The following C10orf90 variants were observed in gnomAD, a reference collection of about 807,000 sequenced individuals.
C10orf90 encodes chromosome 10 open reading frame 90.
C10orf90 carries 56 observed loss-of-function variants against 62.5 expected under a neutral mutation model. The ratio of observed to expected loss-of-function variants is 0.90; its 90% confidence interval spans 0.72 to 1.12. C10orf90 has a LOEUF of 1.12. Among genes scored for constraint, C10orf90 ranks in the 50% most tolerant of loss-of-function variants. The pLI, the probability that C10orf90 is intolerant of heterozygous loss-of-function variation, is 0.00. For missense variants in C10orf90, 970 were observed against 880.4 expected, an observed-to-expected ratio of 1.10 and a Z score of -1.29; for synonymous variants, 386 against 340.4, an observed-to-expected ratio of 1.13 and a Z score of -1.47.
intron 1 of C10orf90, among the ~76,000 whole-genome samples, chr10:126,648,901 T>A (rs994586146): frequency 3.9e-5 from 6 of 152,232 alleles, no homozygotes; most frequent in African/African-American, 1.2e-4. Flanking sequence ...CAACACAGAA[T>A]TAATTTTCAC....
chr10:126,496,704 A>G (rs1862077840), intron 4 of C10orf90: 22 of 985,288 alleles, frequency 2.2e-5, no homozygotes, highest in Non-Finnish European at 2.7e-5. Context: ...TCCTTGCCAG[A>G]GAGGTTTTGA....
intron 2 of C10orf90, among the ~76,000 whole-genome samples, chr10:126,529,202 C>T (rs1864029548): frequency 6.6e-6 from 1 of 152,078 alleles, no homozygotes; most frequent in South Asian, 2.1e-4. Flanking sequence ...TTTTCCTTAC[C>T]ATACCTACAA....
At chr10:126,430,349 G>A (rs769599470) in intron 7 of C10orf90, among the ~76,000 whole-genome samples, 4 of 152,158 alleles carry the variant, frequency 2.6e-5, no homozygotes, top group Non-Finnish European at 5.9e-5. Context: ...TTCCTAATGT[G>A]GGGAAAGGTA....
intron 2 of C10orf90, among the ~76,000 whole-genome samples, chr10:126,640,993 T>C (rs1198277930): frequency 2.0e-5 from 3 of 152,182 alleles, no homozygotes; most frequent in East Asian, 1.9e-4. Flanking sequence ...TGAGGTACAA[T>C]GAAACGGTTT....
At chr10:126,643,944 C>A (rs1846114893) in intron 2 of C10orf90, among the ~76,000 whole-genome samples, 1 of 152,214 alleles carries the variant, frequency 6.6e-6, no homozygotes, top group Non-Finnish European at 1.5e-5. Context: ...GGCTGCTTAG[C>A]CCTCCTTTTG....
intron 2 of C10orf90, among the ~76,000 whole-genome samples, chr10:126,592,529 T>C (rs1845002100): frequency 6.6e-6 from 1 of 152,146 alleles, no homozygotes; most frequent in Non-Finnish European, 1.5e-5. Flanking sequence ...TTACACCTTA[T>C]ACAAAAATTA....
intron 4 of C10orf90, among the ~76,000 whole-genome samples, chr10:126,466,450 C>T (rs1860295571): frequency 1.3e-5 from 2 of 152,238 alleles, no homozygotes; most frequent in South Asian, 4.2e-4. Flanking sequence ...GAATTGAGCT[C>T]ATGACTACCA....
intron 3 of C10orf90, among the ~76,000 whole-genome samples, chr10:126,508,114 C>T (rs1251644189): frequency 6.7e-6 from 1 of 149,656 alleles, no homozygotes; most frequent in Non-Finnish European, 1.5e-5. Flanking sequence ...AAAGTTTGCG[C>T]CAGGGACTGC....
intron 2 of C10orf90, among the ~76,000 whole-genome samples, chr10:126,575,562 ATTGAAAAAAAAAATCCTAAAATT>A (rs1267958969): frequency 3.3e-5 from 5 of 151,132 alleles, no homozygotes; most frequent in African/African-American, 1.2e-4. Flanking sequence ...TTTCACAGAA[ATTGAAAAAAAAAATCCTAAAATT>A]TGTATAGAAC....
intron 2 of C10orf90, among the ~76,000 whole-genome samples, chr10:126,565,183 T>C (rs1172605503): frequency 2.9e-5 from 2 of 69,514 alleles, no homozygotes; most frequent in Non-Finnish European, 5.0e-5. Context: ...TATTATGTAA[T>C]ATAATATTTA....
chr10:126,477,700 T>G (rs1860962633), intron 4 of C10orf90, among the ~76,000 whole-genome samples: 2 of 152,222 alleles, frequency 1.3e-5, no homozygotes, highest in Admixed American at 1.3e-4. Flanking sequence ...ATGCAATGTT[T>G]CTAAAAGTGG....
intron 2 of C10orf90, among the ~76,000 whole-genome samples, chr10:126,642,297 C>T (rs1164574200): frequency 1.3e-5 from 2 of 152,060 alleles, no homozygotes; most frequent in Non-Finnish European, 2.9e-5. Context: ...CTTTGGGAGG[C>T]CAAGGTGGGC....
rs1780264581 is a variant in C10orf90, at chr10:126,661,385, T to A, written c.240+8856A>T. On this transcript the variant is annotated intron_variant, in intron 1 of 9. Transcript: ENST00000488181. ...CAGATATTATCATTGTTCATATGAA[T>A]ACAGATGAGAAAACTAGGCTCAAAG... 1.3e-5 allele frequency among the ~76,000 whole-genome samples: 2 copies of A among 152,188 alleles called. 1 individual carries two copies. Among genetic ancestry groups the A allele is most frequent in the Admixed American group, 1.3e-4 (2 of 15,280 alleles).
At chr10:126,490,012 ATTAT>A (rs1861647771) in intron 4 of C10orf90, among the ~76,000 whole-genome samples, 1 of 75,174 alleles carries the variant, frequency 1.3e-5, no homozygotes, top group East Asian at 3.6e-4. Context: ...TATTATATAT[ATTAT>A]ATATAATATA....
intron 7 of C10orf90, among the ~76,000 whole-genome samples, chr10:126,455,458 T>C (rs1178897461): frequency 6.6e-6 from 1 of 152,168 alleles, no homozygotes; most frequent in Non-Finnish European, 1.5e-5. Context: ...CCTATGACCA[T>C]TGCCTCTTCA....
chr10:126,446,527 A>G (rs1346309692), intron 7 of C10orf90, among the ~76,000 whole-genome samples: 2 of 152,138 alleles, frequency 1.3e-5, no homozygotes, highest in Non-Finnish European at 2.9e-5. Flanking sequence ...AAAATTCCTT[A>G]CCTAACAAAG....
intron 3 of C10orf90, among the ~76,000 whole-genome samples, chr10:126,511,674 G>A (rs1264755671): frequency 6.6e-6 from 1 of 151,766 alleles, no homozygotes; most frequent in East Asian, 1.9e-4. Context: ...AATGACATGA[G>A]GAATTGCTTA....
intron 2 of C10orf90, among the ~76,000 whole-genome samples, chr10:126,526,023 AACACACAC>A (rs3040780): frequency 1.1e-3 from 151 of 139,028 alleles, no homozygotes; most frequent in African/African-American, 3.3e-3. Flanking sequence ...CACCTGCCAC[AACACACAC>A]ACACACACAC....
intron 2 of C10orf90, among the ~76,000 whole-genome samples, chr10:126,552,328 T>C (rs1337576732): frequency 6.6e-6 from 1 of 152,210 alleles, no homozygotes; most frequent in Non-Finnish European, 1.5e-5. Context: ...AGGGTACTGA[T>C]TGTAGCACTA....
Sources: gnomAD v4.1 joint callset for allele counts (sites outside exome capture counted in the v4.1 genomes callset) on GRCh38, gnomAD v4.1.1 for gene constraint, MANE v1.5 for transcripts, NCBI Gene and HGNC (gene_info 2026-07-23, HGNC 2026-07-21) for gene names.